The following STPG2 variants were observed in gnomAD, a reference collection of about 807,000 sequenced individuals.
STPG2 encodes the protein sperm-tail PG-rich repeat-containing protein 2.
In STPG2, 56 loss-of-function variants were observed where a neutral mutation model predicts 54.2. The ratio of observed to expected loss-of-function variants is 1.03; its 90% CI spans 0.83 to 1.29. The LOEUF is 1.29. Among genes scored for constraint, STPG2 ranks in the 50% most tolerant of loss-of-function variants. STPG2 has a pLI of 0.00. For missense variants in STPG2, 596 were observed against 544.9 expected, an observed-to-expected ratio of 1.09 and a Z score of -0.93; for synonymous variants, 200 against 181.8, an observed-to-expected ratio of 1.10 and a Z score of -0.81.
chr4:97,979,803 C>T, intron 6 of STPG2, among the ~76,000 whole-genome samples: 1 of 151,444 alleles, frequency 6.6e-6, no homozygotes, highest in South Asian at 2.1e-4. Context: ...CGGCTCACTG[C>T]AACCTCCGCC....
intron 10 of STPG2, among the ~76,000 whole-genome samples, chr4:97,634,604 A>T (rs1271158670): frequency 6.6e-6 from 1 of 150,670 alleles, no homozygotes; most frequent in African/African-American, 2.4e-5. Context: ...AAAATTTAGA[A>T]GAATGTATAA....
intron 5 of STPG2, among the ~76,000 whole-genome samples, chr4:98,001,967 A>T (rs953720867): frequency 6.6e-6 from 1 of 152,166 alleles, no homozygotes; most frequent in Non-Finnish European, 1.5e-5. Flanking sequence ...ATTTAAAAAT[A>T]TTCTTCTACG....
intron 9 of STPG2, among the ~76,000 whole-genome samples, chr4:97,786,381 T>C (rs1470096177): frequency 6.6e-6 from 1 of 152,156 alleles, no homozygotes; most frequent in Non-Finnish European, 1.5e-5. Context: ...ATATTTTTCA[T>C]TAAGTTCTAC....
At chr4:97,658,724 G>T (rs180715159) in intron 10 of STPG2, among the ~76,000 whole-genome samples, 48 of 152,268 alleles carry the variant, frequency 3.2e-4, no homozygotes, top group African/African-American at 1.1e-3. Flanking sequence ...GATTTGTGTA[G>T]AAAACTGCTT....
intron 10 of STPG2, among the ~76,000 whole-genome samples, chr4:97,600,253 T>C (rs1488457150): frequency 6.6e-6 from 1 of 152,026 alleles, no homozygotes; most frequent in East Asian, 1.9e-4. Context: ...AATTAAAAAA[T>C]AATAATAGCA....
intron 5 of STPG2, among the ~76,000 whole-genome samples, chr4:98,072,613 TAAAAC>T (rs1560666429): frequency 7.4e-6 from 1 of 135,204 alleles, no homozygotes; most frequent in African/African-American, 2.7e-5. Flanking sequence ...TAAAATAAAA[TAAAAC>T]AAAACAAGAG....
chr4:98,004,290 T>C (rs183501489), intron 5 of STPG2, among the ~76,000 whole-genome samples: 2 of 152,294 alleles, frequency 1.3e-5, no homozygotes, highest in East Asian at 3.9e-4. Flanking sequence ...TCCATGTTCA[T>C]CCATGTTATC....
intron 4 of STPG2, among the ~76,000 whole-genome samples, chr4:97,458,929 A>T (rs949518491): frequency 6.6e-6 from 1 of 152,198 alleles, no homozygotes; most frequent in African/African-American, 2.4e-5. Context: ...TTATCAGGGC[A>T]ATTAGCAAAA....
At chr4:98,002,829 T>C (rs891872424) in intron 5 of STPG2, among the ~76,000 whole-genome samples, 2 of 152,086 alleles carry the variant, frequency 1.3e-5, no homozygotes, top group African/African-American at 4.8e-5. Context: ...TAATGGGTAA[T>C]TAGTGCACAT....
At chr4:97,544,513 A>C (rs982041501) in intron 4 of STPG2, among the ~76,000 whole-genome samples, 2 of 152,106 alleles carry the variant, frequency 1.3e-5, no homozygotes, top group Non-Finnish European at 2.9e-5. Flanking sequence ...GTTATAAGGA[A>C]GGGAATTGTG....
chr4:97,503,927 T>C (rs1006415360), intron 4 of STPG2, among the ~76,000 whole-genome samples: 2 of 105,660 alleles, frequency 1.9e-5, no homozygotes, highest in Non-Finnish European at 3.6e-5. Flanking sequence ...AAAATATATT[T>C]AAATATTTTA....
chr4:97,917,557 T>A (rs1056914788), intron 8 of STPG2, among the ~76,000 whole-genome samples: 9 of 152,080 alleles, frequency 5.9e-5, no homozygotes, highest in Admixed American at 1.3e-4. Context: ...AAAAAAAAAA[T>A]TCAAAACATA....
intron 8 of STPG2, among the ~76,000 whole-genome samples, chr4:97,906,288 A>C (rs985276184): frequency 1.3e-5 from 2 of 152,136 alleles, no homozygotes; most frequent in South Asian, 2.1e-4. Context: ...AATTCCTCGA[A>C]ACATACACCC....
At chr4:97,780,321 A>C (rs1439566724) in intron 9 of STPG2, among the ~76,000 whole-genome samples, 2 of 28,210 alleles carry the variant, frequency 7.1e-5, no homozygotes, top group Non-Finnish European at 1.4e-4. Context: ...ACAAAGATCA[A>C]AAGACACAAA....
chr4:97,520,583 T>C (rs1731160144), intron 4 of STPG2, among the ~76,000 whole-genome samples: 2 of 152,098 alleles, frequency 1.3e-5, no homozygotes, highest in South Asian at 4.1e-4. Flanking sequence ...TCTGTGTATA[T>C]ACTGGTTATA....
At chr4:97,980,557 G>A (rs1018446871) in intron 6 of STPG2, among the ~76,000 whole-genome samples, 2 of 152,178 alleles carry the variant, frequency 1.3e-5, no homozygotes, top group African/African-American at 2.4e-5. Flanking sequence ...AGGCAGCCAT[G>A]CTGGAGCTAA....
At chr4:97,718,718 T>C (rs1724363742) in intron 9 of STPG2, among the ~76,000 whole-genome samples, 1 of 152,114 alleles carries the variant, frequency 6.6e-6, no homozygotes, top group East Asian at 1.9e-4. Flanking sequence ...AATCTATATA[T>C]AGATTTAAAT....
chr4:97,925,028 G>A (rs948832467), intron 8 of STPG2, among the ~76,000 whole-genome samples: 1 of 152,174 alleles, frequency 6.6e-6, no homozygotes, highest in Admixed American at 6.5e-5. Context: ...AATTAGAACA[G>A]ATTGCATTCT....
chr4:98,082,192 T>C (rs980803463), intron 5 of STPG2, among the ~76,000 whole-genome samples: 3 of 152,076 alleles, frequency 2.0e-5, no homozygotes, highest in Non-Finnish European at 4.4e-5. Context: ...AACCACTTCC[T>C]ACATTAAGAG....
Sources: allele counts gnomAD v4.1 joint callset (sites outside exome capture counted in the v4.1 genomes callset), GRCh38; gene constraint gnomAD v4.1.1; transcripts MANE v1.5; gene names NCBI Gene and HGNC (gene_info 2026-07-23, HGNC 2026-07-21).